Variants in JMJD1C observed in about 807,000 individuals in gnomAD.
The protein encoded by JMJD1C is jumonji domain containing 1C.
Under a neutral mutation model 245.3 loss-of-function variants are expected in JMJD1C, and 31 were observed. That is an observed-to-expected ratio of 0.13 (90% CI 0.09 to 0.17). JMJD1C has a LOEUF of 0.17. Among genes scored for constraint, JMJD1C ranks in the 10% least tolerant of loss-of-function variants. The pLI is 1.00. For missense variants in JMJD1C, 2,691 were observed against 3,000.2 expected, an observed-to-expected ratio of 0.90 and a Z score of 2.41; for synonymous variants, 1,057 against 1,017.4, an observed-to-expected ratio of 1.04 and a Z score of -0.74.
chr10:63,245,457 G>A (rs1353692300), intron 3 of JMJD1C, among the ~76,000 whole-genome samples: 1 of 147,016 alleles, frequency 6.8e-6, no homozygotes, highest in Non-Finnish European at 1.5e-5. Flanking sequence ...GGCAAAGAGA[G>A]GGAGCTTCTG....
chr10:63,461,752 G>A (rs889036593), intron 1 of JMJD1C, among the ~76,000 whole-genome samples: 1 of 152,034 alleles, frequency 6.6e-6, no homozygotes, highest in Non-Finnish European at 1.5e-5. Context: ...ACTTTAGACA[G>A]AACTGGCTTG....
At chr10:63,344,604 T>C (rs1158290967) in intron 2 of JMJD1C, among the ~76,000 whole-genome samples, 1 of 152,088 alleles carries the variant, frequency 6.6e-6, no homozygotes, top group East Asian at 1.9e-4. Flanking sequence ...TCATGATAAT[T>C]AAGATCTTTT....
intron 10 of JMJD1C, among the ~76,000 whole-genome samples, chr10:63,201,439 T>C (rs1274234105): frequency 3.3e-5 from 5 of 152,090 alleles, no homozygotes; most frequent in Non-Finnish European, 5.9e-5. Flanking sequence ...CATTATACAG[T>C]CTAATATGTG....
At chr10:63,501,654 T>C (rs1230452836) in intron 1 of JMJD1C, among the ~76,000 whole-genome samples, 4 of 152,096 alleles carry the variant, frequency 2.6e-5, no homozygotes, top group East Asian at 1.9e-4. Context: ...CGGGTGCCTA[T>C]AGTCCCAGCT....
intron 1 of JMJD1C, among the ~76,000 whole-genome samples, chr10:63,418,606 A>C (rs1335454916): frequency 6.6e-6 from 1 of 152,230 alleles, no homozygotes; most frequent in Non-Finnish European, 1.5e-5. Context: ...ATCAGACATT[A>C]TCAGGTGCTG....
chr10:63,230,914 T>C (rs1564648917), intron 3 of JMJD1C, among the ~76,000 whole-genome samples: 1 of 152,204 alleles, frequency 6.6e-6, no homozygotes, highest in Non-Finnish European at 1.5e-5. Flanking sequence ...TCTAACATAA[T>C]TCTGAGTCTG....
At chr10:63,391,571 G>T (rs534450100) in intron 1 of JMJD1C, among the ~76,000 whole-genome samples, 3 of 151,878 alleles carry the variant, frequency 2.0e-5, no homozygotes, top group African/African-American at 7.2e-5. Context: ...AATACCTAAA[G>T]AAAAAACATC....
intron 1 of JMJD1C, among the ~76,000 whole-genome samples, chr10:63,431,630 G>A (rs1314428068): frequency 3.3e-5 from 5 of 152,208 alleles, no homozygotes; most frequent in Non-Finnish European, 4.4e-5. Flanking sequence ...ATGACTTGGG[G>A]TGAGTTTTAG....
At chr10:63,503,068 A>C (rs1954610742) in intron 1 of JMJD1C, among the ~76,000 whole-genome samples, 1 of 152,204 alleles carries the variant, frequency 6.6e-6, no homozygotes, top group Admixed American at 6.5e-5. Flanking sequence ...TGATCCATGT[A>C]AAAAAGCTTA....
chr10:63,256,886 G>T (rs1854010628), intron 3 of JMJD1C, among the ~76,000 whole-genome samples: 1 of 152,178 alleles, frequency 6.6e-6, no homozygotes, highest in South Asian at 2.1e-4. Flanking sequence ...AAAAGTCAGG[G>T]AGTAACTGGG....
At chr10:63,336,502 T>C (rs79885790) in intron 2 of JMJD1C, among the ~76,000 whole-genome samples, 3,770 of 152,140 alleles carry the variant, frequency 0.025, 167 homozygotes, top group African/African-American at 0.085. Context: ...CAGATTTCAA[T>C]CCTAATAATA....
At chr10:63,368,627 C>G (rs1217440338) in intron 2 of JMJD1C, among the ~76,000 whole-genome samples, 1 of 152,202 alleles carries the variant, frequency 6.6e-6, no homozygotes, top group Non-Finnish European at 1.5e-5. Flanking sequence ...TGTGACATAA[C>G]ACACTATGGC....
chr10:63,277,612 C>T (rs2133865060), intron 2 of JMJD1C, among the ~76,000 whole-genome samples: 1 of 151,768 alleles, frequency 6.6e-6, no homozygotes, highest in South Asian at 2.1e-4. Flanking sequence ...GGTCTCTTAC[C>T]AGAATATTTT....
At chr10:63,180,041 C>T (rs573904001) in intron 22 of JMJD1C, among the ~76,000 whole-genome samples, 47 of 152,162 alleles carry the variant, frequency 3.1e-4, no homozygotes, top group Admixed American at 1.0e-3. Context: ...ACTCTGTCGC[C>T]CAGGCTGAAG....
intron 1 of JMJD1C, among the ~76,000 whole-genome samples, chr10:63,392,439 T>C (rs1178009976): frequency 1.3e-5 from 2 of 152,032 alleles, no homozygotes; most frequent in Non-Finnish European, 1.5e-5. Context: ...ACCTGTTGAA[T>C]GGAAGAAAGT....
intron 2 of JMJD1C, among the ~76,000 whole-genome samples, chr10:63,284,254 G>C (rs974090345): frequency 6.6e-6 from 1 of 152,126 alleles, no homozygotes; most frequent in Admixed American, 6.5e-5. Context: ...TAGAACTCCT[G>C]ACCTCAAGTG....
At chr10:63,398,465 T>C (rs1948642068) in intron 1 of JMJD1C, among the ~76,000 whole-genome samples, 1 of 152,134 alleles carries the variant, frequency 6.6e-6, no homozygotes, top group Admixed American at 6.6e-5. Context: ...GGTTGATAAT[T>C]AGAAAAGACT....
intron 2 of JMJD1C, among the ~76,000 whole-genome samples, chr10:63,364,805 A>G (rs192735583): frequency 6.6e-6 from 1 of 152,292 alleles, no homozygotes; most frequent in East Asian, 1.9e-4. Context: ...TACCAGACAA[A>G]TTTATCCAAG....
intron 2 of JMJD1C, among the ~76,000 whole-genome samples, chr10:63,273,940 A>C (rs1007448115): frequency 3.3e-5 from 5 of 152,176 alleles, no homozygotes; most frequent in African/African-American, 1.2e-4. Flanking sequence ...TTTTGGTTCC[A>C]TTTATCTTGG....
Sources: gnomAD v4.1 joint callset for allele counts (sites outside exome capture counted in the v4.1 genomes callset) on GRCh38, gnomAD v4.1.1 for gene constraint, MANE v1.5 for transcripts, NCBI Gene and HGNC (gene_info 2026-07-23, HGNC 2026-07-21) for gene names.